Variants in ADAMTS16 observed in about 807,000 individuals in gnomAD.
ADAMTS16 encodes A disintegrin and metalloproteinase with thrombospondin motifs 16.
A neutral mutation model predicts 145.8 loss-of-function variants in ADAMTS16; 94 were observed. The observed-to-expected ratio is 0.64, with a 90% confidence interval of 0.55 to 0.77. The LOEUF (loss-of-function observed/expected upper bound fraction) is 0.77, where lower values mean the gene tolerates loss of function less well. Ranked by LOEUF, ADAMTS16 falls within the 30% of genes least tolerant of loss-of-function variation. The probability of loss-of-function intolerance (pLI) is 0.00; values close to 1 mark genes in which losing one functional copy is unlikely to be tolerated. For missense variants in ADAMTS16, 1,585 were observed against 1,591.5 expected, an observed-to-expected ratio of 1.00 and a Z score of 0.07; for synonymous variants, 659 against 604.3, an observed-to-expected ratio of 1.09 and a Z score of -1.33.
At chr5:5,246,744 C>T (rs1012581111) in intron 17 of ADAMTS16, among the ~76,000 whole-genome samples, 3 of 152,146 alleles carry the variant, frequency 2.0e-5, no homozygotes, top group South Asian at 2.1e-4. Flanking sequence ...GCATCTTAAT[C>T]GGGGAATCGA....
chr5:5,303,490 A>G (rs368405009), intron 19 of ADAMTS16, 21 bp downstream of exon 19: 6 of 1,608,144 alleles, frequency 3.7e-6, no homozygotes, highest in Non-Finnish European at 4.3e-6. Flanking sequence ...TGGGGTTGGC[A>G]TGGGTGGCAG....
At position 5,261,041 on chromosome 5, in the gene ADAMTS16, C is replaced by T. The variant is rs562331059; in HGVS notation, c.2663-1616C>T. Among the ~76,000 whole-genome samples, 6 of 152,302 alleles carry T rather than the reference C, an allele frequency of 3.9e-5. No homozygotes were observed. The South Asian group carries it at 8.3e-4, about 21-fold the overall frequency. ...CACCCAATCCACAGGACTTCTTCAT[C>T]GGTATTTCCAAGGGGAGTGATAAAA... On this transcript the variant is annotated intron_variant, in intron 17 of 22. Transcript: ENST00000274181.
chr5:5,275,633 G>T (rs1738658151), intron 18 of ADAMTS16, among the ~76,000 whole-genome samples: 1 of 151,998 alleles, frequency 6.6e-6, no homozygotes, highest in Non-Finnish European at 1.5e-5. Flanking sequence ...TGCATAAATT[G>T]TTCTTTTGTT....
chr5:5,155,169 G>T (rs1031292541), intron 3 of ADAMTS16, among the ~76,000 whole-genome samples: 2 of 152,036 alleles, frequency 1.3e-5, no homozygotes, highest in African/African-American at 4.8e-5. Context: ...CTCCTTAAAT[G>T]TTACCTTTTA....
At chr5:5,241,072 C>T (rs181722672) in intron 16 of ADAMTS16, among the ~76,000 whole-genome samples, 72 of 152,090 alleles carry the variant, frequency 4.7e-4, no homozygotes, top group Admixed American at 1.2e-3. Flanking sequence ...TGGGCTTATA[C>T]CTGTCCCACA....
intron 18 of ADAMTS16, among the ~76,000 whole-genome samples, chr5:5,281,781 T>C (rs931585993): frequency 4.6e-5 from 7 of 152,244 alleles, no homozygotes; most frequent in African/African-American, 1.4e-4. Flanking sequence ...GCAATGAATG[T>C]AAATGACTCC....
intron 17 of ADAMTS16, among the ~76,000 whole-genome samples, chr5:5,253,561 C>T (rs1737691822): frequency 1.3e-5 from 2 of 152,182 alleles, no homozygotes; most frequent in South Asian, 4.1e-4. Flanking sequence ...CTTGACTTCT[C>T]CCTTTAGCTT....
intron 3 of ADAMTS16, among the ~76,000 whole-genome samples, chr5:5,165,311 G>A (rs1010054587): frequency 1.4e-4 from 22 of 152,108 alleles, no homozygotes; most frequent in African/African-American, 4.3e-4. Flanking sequence ...GCGCCCCATC[G>A]TATCCCACTG....
At chr5:5,304,048 A>G (rs1739915854) in intron 20 of ADAMTS16, among the ~76,000 whole-genome samples, 2 of 152,088 alleles carry the variant, frequency 1.3e-5, no homozygotes, top group African/African-American at 4.8e-5. Flanking sequence ...GAGCGTGAGA[A>G]TAGGGGTTCA....
chr5:5,287,267 C>T (rs1274885194), intron 18 of ADAMTS16, among the ~76,000 whole-genome samples: 5 of 152,094 alleles, frequency 3.3e-5, no homozygotes, highest in African/African-American at 4.8e-5. Flanking sequence ...CTGTCTGCAG[C>T]GTGTGATGCC....
intron 11 of ADAMTS16, 108 bp downstream of exon 11, chr5:5,222,992 A>G: frequency 2.3e-6 from 2 of 856,924 alleles, no homozygotes; most frequent in Non-Finnish European, 3.9e-6. Context: ...TTTCTCATAT[A>G]CATATGCATA....
At chr5:5,312,166 C>A (rs1438320997) in intron 21 of ADAMTS16, among the ~76,000 whole-genome samples, 1 of 152,322 alleles carries the variant, frequency 6.6e-6, no homozygotes, top group African/African-American at 2.4e-5. Flanking sequence ...CTCCCCAGCT[C>A]TGCGTGCTTT....
At chr5:5,158,316 A>G (rs1221489630) in intron 3 of ADAMTS16, among the ~76,000 whole-genome samples, 1 of 152,132 alleles carries the variant, frequency 6.6e-6, no homozygotes, top group Non-Finnish European at 1.5e-5. Context: ...AAGGAACTGG[A>G]TGGATGGGTG....
chr5:5,190,173 G>A, intron 7 of ADAMTS16, 43 bp downstream of exon 7: 2 of 1,520,368 alleles, frequency 1.3e-6, no homozygotes, highest in Non-Finnish European at 8.8e-7. Flanking sequence ...TGTGGAATGT[G>A]CACCCCTGGC....
At chr5:5,318,876 G>A (rs890380512) in intron 22 of ADAMTS16, 147 bp from the exon 23 acceptor site, 1 of 610,872 alleles carries the variant, frequency 1.6e-6, no homozygotes. Context: ...AGGTTCCACG[G>A]GACCCCCATC....
intron 14 of ADAMTS16, among the ~76,000 whole-genome samples, chr5:5,237,403 A>G (rs1737142055): frequency 6.6e-6 from 1 of 152,156 alleles, no homozygotes; most frequent in Non-Finnish European, 1.5e-5. Context: ...GTGAGTTGGA[A>G]GAGGGATGTC....
intron 3 of ADAMTS16, among the ~76,000 whole-genome samples, chr5:5,171,985 T>A (rs2126543500): frequency 6.6e-6 from 1 of 152,306 alleles, no homozygotes; most frequent in East Asian, 1.9e-4. Context: ...TTCTTCATGA[T>A]TCAACTTTGG....
At chr5:5,262,059 G>T (rs561371385) in intron 17 of ADAMTS16, among the ~76,000 whole-genome samples, 6 of 152,280 alleles carry the variant, frequency 3.9e-5, no homozygotes, top group Non-Finnish European at 7.3e-5. Flanking sequence ...AACAAATATA[G>T]GAATGTTCAC....
chr5:5,208,748 G>A (rs1177377433), intron 9 of ADAMTS16, among the ~76,000 whole-genome samples: 1 of 152,212 alleles, frequency 6.6e-6, no homozygotes, highest in Admixed American at 6.5e-5. Flanking sequence ...ATTCTGCCAA[G>A]AAGTGTGCAT....
Sources: gnomAD v4.1 joint callset for allele counts (sites outside exome capture counted in the v4.1 genomes callset) on GRCh38, gnomAD v4.1.1 for gene constraint, MANE v1.5 for transcripts, NCBI Gene and HGNC (gene_info 2026-07-23, HGNC 2026-07-21) for gene names.